Variants in RABEP1 observed in about 807,000 individuals in gnomAD.
The protein encoded by RABEP1 is rab GTPase-binding effector protein 1.
In RABEP1, 51 loss-of-function variants were observed where a neutral mutation model predicts 123.4. The ratio of observed to expected loss-of-function variants is 0.41; its 90% confidence interval spans 0.33 to 0.52. The LOEUF (loss-of-function observed/expected upper bound fraction) is 0.52, where lower values mean the gene tolerates loss of function less well. Among genes scored for constraint, RABEP1 ranks in the 20% least tolerant of loss-of-function variants. The probability of loss-of-function intolerance (pLI) is 0.16; values close to 1 mark genes in which losing one functional copy is unlikely to be tolerated. For synonymous variants in RABEP1, 347 were observed against 355.2 expected (o/e 0.98, Z 0.26); for missense variants, 888 against 996.3 (o/e 0.89, Z 1.46).
chr17:5,316,414 C>T (rs2075295215), intron 2 of RABEP1, among the ~76,000 whole-genome samples: 1 of 114,284 alleles, frequency 8.8e-6, no homozygotes. Flanking sequence ...CTTGCCACTG[C>T]ATTCCACCGT....
chr17:5,312,390 A>T (rs2075252912), intron 2 of RABEP1, among the ~76,000 whole-genome samples: 1 of 152,084 alleles, frequency 6.6e-6, no homozygotes, highest in Admixed American at 6.6e-5. Context: ...ACCTCAAATG[A>T]TCTGCCCGCC....
At chr17:5,323,744 A>ATG (rs1194371070) in intron 2 of RABEP1, among the ~76,000 whole-genome samples, 1 of 130,160 alleles carries the variant, frequency 7.7e-6, no homozygotes, top group African/African-American at 2.9e-5. Context: ...ATCTAGGAAT[A>ATG]TATATATATC....
rs148265107 is a variant in RABEP1, at chr17:5,373,807, T to C, written c.2025+353T>C. On this transcript the variant is annotated intron_variant, in intron 13 of 17. Transcript: ENST00000537505. ...TCCTCCCCTAGCCTTAAGCAACTAC[T>C]AACCTTTCTGCCTCTATAGATTTCC... 5.9e-3 allele frequency among the ~76,000 whole-genome samples: 891 copies of C among 151,928 alleles called. 5 individuals carry two copies. Among genetic ancestry groups the C allele is most frequent in the African/African-American group, 0.019 (803 of 41,470 alleles).
chr17:5,294,633 C>CTTTTTTTTTTTTTTTTTTTTT lies in RABEP1; in HGVS notation c.34+12125_34+12145dup, dbSNP rs1185209680. Among the ~76,000 whole-genome samples, 3 of 53,024 alleles carry CTTTTTTTTTTTTTTTTTTTTT rather than the reference C, an allele frequency of 5.7e-5. 1 individual carries two copies. Among genetic ancestry groups the CTTTTTTTTTTTTTTTTTTTTT allele is most frequent in the Non-Finnish European group, 6.9e-5 (2 of 29,090 alleles). 34.8% of individuals were successfully genotyped at this position (53,024 alleles called of 152,430 possible). On this transcript the variant is annotated intron_variant, in intron 1 of 17. Coordinates refer to ENST00000537505, the MANE Select transcript of RABEP1 (RefSeq NM_004703.6). ...AGATACTGAGGGAAAACGGTATTGT[C>CTTTTTTTTTTTTTTTTTTTTT]TTTTTTTTTTTTTTTTTTTTTTTTT... is the stretch of plus-strand genomic sequence containing the variant.
In RABEP1 at chr17:5,354,779, T is replaced by C. The variant is rs528087295; in HGVS notation, c.1095+289T>C. On this transcript the variant is annotated intron_variant, in intron 8 of 17. Coordinates refer to ENST00000537505, the MANE Select transcript of RABEP1 (RefSeq NM_004703.6). ...CTTTAAATAATGTCTGCAAAATCTT[T>C]TTTGATGTGAATAGTACATGTTGCT... is the stretch of plus-strand genomic sequence containing the variant. Among the ~76,000 whole-genome samples, 3 of 152,334 alleles carry C rather than the reference T, an allele frequency of 2.0e-5. No homozygotes were observed. In the South Asian group the frequency reaches 6.2e-4, roughly 32 times the overall value.
chr17:5,379,329 C>T (rs891547402), intron 15 of RABEP1, among the ~76,000 whole-genome samples: 1 of 152,216 alleles, frequency 6.6e-6, no homozygotes. Context: ...CTGAGTATCT[C>T]CGACTTTTCC....
Position 5,378,205 on chromosome 17 carries a change from A to G in RABEP1, c.2244A>G (p.Leu748=), listed in dbSNP as rs750286608. Residue 748 remains leucine, a synonymous_variant, in exon 15 of 18, where the codon TTA becomes TTG. Transcript: ENST00000537505. ...IASISSLKAE[L]ERIKVEKGQL... is the part of the protein sequence containing the mutation. ...CTATTTCTAGCCTAAAAGCTGAATTAGAAAGAATAAAAGTGGAAAAAGGAC... is the reference window on the plus strand; with the variant it reads ...CTATTTCTAGCCTAAAAGCTGAATTGGAAAGAATAAAAGTGGAAAAAGGAC... 2 of 1,592,912 alleles carry G rather than the reference A, an allele frequency of 1.3e-6. No homozygotes were observed. Among genetic ancestry groups the G allele is most frequent in the Non-Finnish European group, 1.7e-6 (2 of 1,160,826 alleles).
intron 13 of RABEP1, among the ~76,000 whole-genome samples, chr17:5,375,602 G>A (rs1164418501): frequency 1.3e-5 from 2 of 152,102 alleles, no homozygotes; most frequent in African/African-American, 4.8e-5. Flanking sequence ...CTACTTGGGA[G>A]GCTGAGGTGG....
intron 1 of RABEP1, among the ~76,000 whole-genome samples, chr17:5,302,424 A>G (rs2075143763): frequency 6.6e-6 from 1 of 151,346 alleles, no homozygotes; most frequent in East Asian, 1.9e-4. Flanking sequence ...TTTTTTTGGT[A>G]TAGATAGGGT....
chr17:5,295,607 A>C (rs1288387081), intron 1 of RABEP1, among the ~76,000 whole-genome samples: 1 of 152,136 alleles, frequency 6.6e-6, no homozygotes, highest in African/African-American at 2.4e-5. Context: ...ACATACATTT[A>C]AAATTTGATA....
At chr17:5,312,999 A>G (rs1257953419) in intron 2 of RABEP1, among the ~76,000 whole-genome samples, 6 of 152,116 alleles carry the variant, frequency 3.9e-5, no homozygotes, top group Non-Finnish European at 8.8e-5. Flanking sequence ...AGTCCCAGCT[A>G]CTTGGGGAGC....
chr17:5,332,264 T>G (rs1204106511), intron 3 of RABEP1, 112 bp downstream of exon 3: 6 of 981,520 alleles, frequency 6.1e-6, no homozygotes, highest in Non-Finnish European at 8.9e-6. Flanking sequence ...TGTGGTTTTA[T>G]GTACTGTCAT....
In RABEP1 at chr17:5,335,272, G is replaced by A; in HGVS notation, c.456G>A (p.Arg152=). 1 of 1,613,864 alleles carries A rather than the reference G, an allele frequency of 6.2e-7. No individual in the cohort carries two copies. The highest frequency in any genetic ancestry group is 1.1e-5 in the South Asian group (1 of 91,068). ...CACAGTATAGAGAATCCGCAGAGAG[G>A]GAAATAGCTGATTTAAGAAGAAGGC... is the stretch of plus-strand genomic sequence containing the variant. ...QWAQYRESAE[R]EIADLRRRLS... is the part of the protein sequence containing the mutation. The change falls in exon 4 of 18, where the codon AGG becomes AGA. Residue 152 remains arginine (R), a synonymous_variant. Coordinates refer to ENST00000537505, the MANE Select transcript of RABEP1 (RefSeq NM_004703.6).
rs563864904 is a variant in RABEP1, at chr17:5,287,223, A to G, written c.34+4703A>G. On this transcript the variant is annotated intron_variant, in intron 1 of 17. Coordinates refer to ENST00000537505, the MANE Select transcript of RABEP1 (RefSeq NM_004703.6). ...ACCATTGAAAAGCTTTGAACAGAGG[A>G]ATGATGTGATCTCACTTATGTTTTA... 4.6e-5 allele frequency among the ~76,000 whole-genome samples: 7 copies of G among 152,246 alleles called. No individual in the cohort carries two copies. In the South Asian group the frequency reaches 1.5e-3, roughly 32 times the overall value.
chr17:5,374,418 A>C (rs1358440070), intron 13 of RABEP1, among the ~76,000 whole-genome samples: 1 of 151,598 alleles, frequency 6.6e-6, no homozygotes, highest in African/African-American at 2.4e-5. Context: ...TTCTCTCCTT[A>C]ACTTTATCCA....
At chr17:5,283,165 C>T (rs1189082761) in intron 1 of RABEP1, among the ~76,000 whole-genome samples, 1 of 151,934 alleles carries the variant, frequency 6.6e-6, no homozygotes, top group Admixed American at 6.6e-5. Context: ...TAATTCATGC[C>T]TTTATATTTT....
intron 10 of RABEP1, among the ~76,000 whole-genome samples, chr17:5,363,534 A>G (rs1478501579): frequency 6.6e-6 from 1 of 152,002 alleles, no homozygotes; most frequent in South Asian, 2.1e-4. Context: ...CTGTTTTTGT[A>G]TATCTGCACA....
chr17:5,296,097 ATGTT>A (rs1018528873), intron 1 of RABEP1, among the ~76,000 whole-genome samples: 1 of 151,924 alleles, frequency 6.6e-6, no homozygotes, highest in African/African-American at 2.4e-5. Flanking sequence ...GGATTTCTGG[ATGTT>A]TGTTTTTGCG....
At chr17:5,339,750 C>G (rs1237181812) in intron 5 of RABEP1, among the ~76,000 whole-genome samples, 3 of 151,838 alleles carry the variant, frequency 2.0e-5, no homozygotes, top group Non-Finnish European at 2.9e-5. Flanking sequence ...TTGCAGTTAC[C>G]TGAGACTGTA....
Sources: allele counts gnomAD v4.1 joint callset (sites outside exome capture counted in the v4.1 genomes callset), GRCh38; gene constraint gnomAD v4.1.1; transcripts MANE v1.5; gene names NCBI Gene and HGNC (gene_info 2026-07-23, HGNC 2026-07-21).